GRIN2A: variants seen among roughly 807,000 people sequenced by gnomAD.
GRIN2A encodes glutamate ionotropic receptor NMDA type subunit 2A.
GRIN2A carries 22 observed loss-of-function variants against 113.4 expected under a neutral mutation model. That is an observed-to-expected ratio of 0.19 (90% CI 0.14 to 0.28). The LOEUF is 0.28. GRIN2A is among the 10% of genes least tolerant of loss of function. GRIN2A has a pLI of 1.00. For synonymous variants in GRIN2A, 827 were observed against 738.4 expected (o/e 1.12, Z -1.94); for missense variants, 1,502 against 1,887.0 (o/e 0.80, Z 3.78).
At chr16:10,010,999 A>G (rs1306227950) in intron 2 of GRIN2A, among the ~76,000 whole-genome samples, 3 of 152,160 alleles carry the variant, frequency 2.0e-5, no homozygotes, top group Non-Finnish European at 4.4e-5. Flanking sequence ...TTTGTTCTAT[A>G]TCCCAGTCCA....
intron 3 of GRIN2A, among the ~76,000 whole-genome samples, chr16:9,893,695 G>A (rs966005001): frequency 2.6e-5 from 4 of 152,136 alleles, no homozygotes; most frequent in Non-Finnish European, 5.9e-5. Flanking sequence ...CCGAACTCCT[G>A]ACCTCAGGTG....
intron 2 of GRIN2A, among the ~76,000 whole-genome samples, chr16:9,963,603 C>A (rs2045487745): frequency 6.6e-6 from 1 of 152,092 alleles, no homozygotes; most frequent in South Asian, 2.1e-4. Context: ...TGTAAAAATT[C>A]ATTGAGCTTT....
chr16:9,890,956 C>A (rs781156159), intron 4 of GRIN2A, 30 bp downstream of exon 4: 16 of 1,347,566 alleles, frequency 1.2e-5, no homozygotes, highest in Admixed American at 1.7e-5. Flanking sequence ...TCTTCCCTCC[C>A]CTGCATTCAG....
At chr16:9,993,006 A>G (rs1167900411) in intron 2 of GRIN2A, among the ~76,000 whole-genome samples, 1 of 152,150 alleles carries the variant, frequency 6.6e-6, no homozygotes, top group East Asian at 1.9e-4. Flanking sequence ...ACTTGAGGTC[A>G]GGAGTTCAAG....
chr16:9,855,749 C>T (rs1000874528), intron 4 of GRIN2A, among the ~76,000 whole-genome samples: 1 of 152,136 alleles, frequency 6.6e-6, no homozygotes, highest in Non-Finnish European at 1.5e-5. Flanking sequence ...CAGTCTTGCA[C>T]CCAGGGTGAA....
intron 2 of GRIN2A, among the ~76,000 whole-genome samples, chr16:10,051,392 T>C (rs888346175): frequency 1.3e-5 from 2 of 152,116 alleles, no homozygotes; most frequent in Admixed American, 1.3e-4. Flanking sequence ...TAATAAAACA[T>C]TGGGAAGAAA....
chr16:9,903,958 G>A (rs1453419984), intron 3 of GRIN2A, among the ~76,000 whole-genome samples: 1 of 152,168 alleles, frequency 6.6e-6, no homozygotes, highest in Non-Finnish European at 1.5e-5. Flanking sequence ...AACTCCCTGA[G>A]GATAAGAATT....
chr16:9,954,088 G>C (rs1230527778), intron 2 of GRIN2A, among the ~76,000 whole-genome samples: 2 of 152,100 alleles, frequency 1.3e-5, no homozygotes, highest in Non-Finnish European at 2.9e-5. Context: ...CAATCCTTCT[G>C]TCCTAGACAG....
At chr16:10,169,513 G>A (rs962305108) in intron 2 of GRIN2A, among the ~76,000 whole-genome samples, 5 of 152,200 alleles carry the variant, frequency 3.3e-5, no homozygotes, top group Non-Finnish European at 7.3e-5. Flanking sequence ...GGCCCTAGAA[G>A]AAGGCTTATT....
At chr16:9,866,761 C>T (rs1187446918) in intron 4 of GRIN2A, among the ~76,000 whole-genome samples, 2 of 152,032 alleles carry the variant, frequency 1.3e-5, no homozygotes, top group Admixed American at 1.3e-4. Context: ...TTTTTTTGAC[C>T]ATCTCTCCAC....
chr16:9,788,492 G>A (rs1902378197), intron 11 of GRIN2A, among the ~76,000 whole-genome samples: 2 of 151,732 alleles, frequency 1.3e-5, no homozygotes, highest in Admixed American at 6.6e-5. Context: ...TCCTAACCTC[G>A]AGTGATTCAC....
At chr16:10,045,567 G>A (rs1240780176) in intron 2 of GRIN2A, among the ~76,000 whole-genome samples, 1 of 152,204 alleles carries the variant, frequency 6.6e-6, no homozygotes, top group Non-Finnish European at 1.5e-5. Flanking sequence ...CCTATCCTCG[G>A]GGTTTGGCAG....
At chr16:9,888,803 T>C (rs942855146) in intron 4 of GRIN2A, among the ~76,000 whole-genome samples, 1 of 152,026 alleles carries the variant, frequency 6.6e-6, no homozygotes, top group South Asian at 2.1e-4. Context: ...GAATTTACCA[T>C]CTTTATCATA....
At chr16:9,846,911 C>G (rs2042782592) in intron 5 of GRIN2A, among the ~76,000 whole-genome samples, 1 of 152,192 alleles carries the variant, frequency 6.6e-6, no homozygotes, top group East Asian at 1.9e-4. Context: ...ATACCAGGAT[C>G]AGGGCCTTGG....
intron 2 of GRIN2A, among the ~76,000 whole-genome samples, chr16:10,078,957 C>T (rs976447712): frequency 6.6e-6 from 1 of 152,226 alleles, no homozygotes; most frequent in African/African-American, 2.4e-5. Flanking sequence ...TTTCACCAGC[C>T]ATGATCATGA....
intron 4 of GRIN2A, among the ~76,000 whole-genome samples, chr16:9,869,361 A>C (rs763600501): frequency 3.9e-5 from 6 of 152,172 alleles, no homozygotes; most frequent in Non-Finnish European, 8.8e-5. Flanking sequence ...TTAACCCGAG[A>C]GGAAGAGGTT....
At chr16:10,000,849 C>T (rs2046308305) in intron 2 of GRIN2A, among the ~76,000 whole-genome samples, 1 of 152,046 alleles carries the variant, frequency 6.6e-6, no homozygotes, top group Non-Finnish European at 1.5e-5. Context: ...CAGTTTTGTA[C>T]TCCCATTACT....
Position 9,782,115 on chromosome 16 carries a change from C to A in GRIN2A, c.2357-13026G>T, listed in dbSNP as rs1901974314. Among the ~76,000 whole-genome samples the A allele has an allele frequency of 2.0e-5, 3 of 152,080 alleles. No individual in the cohort carries two copies. The South Asian group carries it at 6.2e-4, about 32-fold the overall frequency. ...TTGGGGTGATTATATGTACAGTCAG[C>A]CCTTTCTGTATTTGTGAATTCAAAT... On this transcript the variant is annotated intron_variant, in intron 11 of 12. Transcript: ENST00000330684.
chr16:10,109,624 C>A (rs12932099), intron 2 of GRIN2A, among the ~76,000 whole-genome samples: 1 of 148,454 alleles, frequency 6.7e-6, no homozygotes. Context: ...CAAGAAATAA[C>A]CAGATTACAA....
Sources: allele counts gnomAD v4.1 joint callset (sites outside exome capture counted in the v4.1 genomes callset), GRCh38; gene constraint gnomAD v4.1.1; transcripts MANE v1.5; gene names NCBI Gene and HGNC (gene_info 2026-07-23, HGNC 2026-07-21).